Variants in PMFBP1 observed in about 807,000 individuals in gnomAD.
PMFBP1 encodes the protein polyamine modulated factor 1 binding protein 1.
Under a neutral mutation model 137.8 loss-of-function variants are expected in PMFBP1, and 131 were observed. The observed-to-expected ratio is 0.95, with a 90% CI of 0.82 to 1.10. PMFBP1 has a LOEUF of 1.10. Among genes scored for constraint, PMFBP1 ranks in the 50% least tolerant of loss-of-function variants. PMFBP1 has a pLI of 0.00. For synonymous variants in PMFBP1, 490 were observed against 450.4 expected (o/e 1.09, Z -1.11); for missense variants, 1,199 against 1,175.4 (o/e 1.02, Z -0.29).
intron 4 of PMFBP1, among the ~76,000 whole-genome samples, chr16:72,153,491 T>C (rs1277690282): frequency 6.6e-6 from 1 of 151,988 alleles, no homozygotes; most frequent in African/African-American, 2.4e-5. Context: ...GATGGAAGAG[T>C]ACGTCTGTCC....
chr16:72,202,031 G>A, the PMFBP1 span, among the ~76,000 whole-genome samples: 1 of 152,152 alleles, frequency 6.6e-6, no homozygotes. Flanking sequence ...CATCATATTA[G>A]AGAGAAATTA....
At chr16:72,139,876 A>T (rs2042689677) in intron 6 of PMFBP1, among the ~76,000 whole-genome samples, 1 of 152,192 alleles carries the variant, frequency 6.6e-6, no homozygotes, top group Non-Finnish European at 1.5e-5. Flanking sequence ...ATAAGACCTG[A>T]GCATGGAAAA....
chr16:72,213,602 C>A, the PMFBP1 span, among the ~76,000 whole-genome samples: 3 of 152,190 alleles, frequency 2.0e-5, no homozygotes, highest in Non-Finnish European at 2.9e-5. Context: ...ACACCTTAAT[C>A]GCATCCTTGT....
At chr16:72,166,102 A>G (rs1207740694) in intron 2 of PMFBP1, among the ~76,000 whole-genome samples, 1 of 152,146 alleles carries the variant, frequency 6.6e-6, no homozygotes, top group Non-Finnish European at 1.5e-5. Context: ...TGAGTTTTAA[A>G]TCTAGGAACT....
At chr16:72,232,472 G>C in the PMFBP1 span, among the ~76,000 whole-genome samples, 69 of 152,094 alleles carry the variant, frequency 4.5e-4, no homozygotes, top group African/African-American at 1.6e-3. Flanking sequence ...GGTAAAGCAG[G>C]GATAGTCAAA....
chr16:72,196,199 C>T, the PMFBP1 span, among the ~76,000 whole-genome samples: 1 of 152,174 alleles, frequency 6.6e-6, no homozygotes. Context: ...AACCCCTCCT[C>T]CTGCTCCCAG....
intron 17 of PMFBP1, among the ~76,000 whole-genome samples, chr16:72,124,364 C>CTGCG (rs1484372834): frequency 6.6e-6 from 1 of 152,228 alleles, no homozygotes; most frequent in Admixed American, 6.5e-5. Context: ...CTGAGCTGTC[C>CTGCG]TGCGGCCTCC....
At chr16:72,230,960 T>C in the PMFBP1 span, among the ~76,000 whole-genome samples, 3 of 152,204 alleles carry the variant, frequency 2.0e-5, no homozygotes, top group Non-Finnish European at 4.4e-5. Context: ...TTAAAAAATA[T>C]GAGGTCATAG....
At chr16:72,140,279 G>C (rs1433466751) in intron 6 of PMFBP1, 133 bp downstream of exon 6, 15 of 887,420 alleles carry the variant, frequency 1.7e-5, no homozygotes, top group Non-Finnish European at 2.6e-5. Context: ...CAAAGTTGGG[G>C]GGCAAGTATA....
chr16:72,130,408 C>T (rs754690609), intron 11 of PMFBP1, 51 bp from the exon 12 acceptor site: 7 of 1,612,162 alleles, frequency 4.3e-6, no homozygotes, highest in Non-Finnish European at 5.9e-6. Context: ...CCCATGTGGG[C>T]AGATTGTGGA....
At chr16:72,198,955 C>T in the PMFBP1 span, among the ~76,000 whole-genome samples, 170 of 152,222 alleles carry the variant, frequency 1.1e-3, no homozygotes, top group Middle Eastern at 0.01. Flanking sequence ...AAGTTAGCAG[C>T]GTCATCGATC....
At chr16:72,153,936 ACACAC>A in intron 4 of PMFBP1, among the ~76,000 whole-genome samples, 2 of 149,010 alleles carry the variant, frequency 1.3e-5, no homozygotes, top group Non-Finnish European at 3.0e-5. Flanking sequence ...ACACACACAC[ACACAC>A]ACACACACAC....
the PMFBP1 span, among the ~76,000 whole-genome samples, chr16:72,247,665 G>A: frequency 6.6e-6 from 1 of 152,116 alleles, no homozygotes; most frequent in South Asian, 2.1e-4. Context: ...TAAATTATTC[G>A]GCATTCTTGA....
the PMFBP1 span, among the ~76,000 whole-genome samples, chr16:72,184,887 C>G: frequency 1.3e-5 from 2 of 152,244 alleles, no homozygotes; most frequent in Non-Finnish European, 2.9e-5. Flanking sequence ...AACCCCAATA[C>G]TACTGCCCAC....
At chr16:72,118,009 G>A (rs960488831), downstream of PMFBP1, among the ~76,000 whole-genome samples, 1 of 152,150 alleles carries the variant, frequency 6.6e-6, no homozygotes, top group African/African-American at 2.4e-5. Flanking sequence ...CTTTGCTCTG[G>A]TGTAATCACT....
chr16:72,214,337 G>C, the PMFBP1 span, among the ~76,000 whole-genome samples: 12 of 152,190 alleles, frequency 7.9e-5, no homozygotes, highest in Non-Finnish European at 1.6e-4. Context: ...TGGGACTACA[G>C]GCTAATTTTT....
upstream of PMFBP1, among the ~76,000 whole-genome samples, chr16:72,180,750 G>C (rs2043273309): frequency 6.6e-6 from 1 of 152,056 alleles, no homozygotes; most frequent in South Asian, 2.1e-4. Flanking sequence ...TAAACAGATT[G>C]ACTGAAGGCA....
the PMFBP1 span, among the ~76,000 whole-genome samples, chr16:72,244,375 G>C: frequency 6.6e-6 from 1 of 152,142 alleles, no homozygotes; most frequent in African/African-American, 2.4e-5. Context: ...TGTGTAAGTG[G>C]GTTGTAAATG....
the PMFBP1 span, among the ~76,000 whole-genome samples, chr16:72,230,715 T>C: frequency 2.0e-5 from 3 of 152,184 alleles, no homozygotes; most frequent in South Asian, 2.1e-4. Context: ...CCTGATGTTC[T>C]AACACCTAGA....
Sources: allele counts gnomAD v4.1 joint callset (sites outside exome capture counted in the v4.1 genomes callset), GRCh38; gene constraint gnomAD v4.1.1; transcripts MANE v1.5; gene names NCBI Gene and HGNC (gene_info 2026-07-23, HGNC 2026-07-21).